Variants in ARHGAP28 observed in about 807,000 individuals in gnomAD.
ARHGAP28 encodes the protein Rho GTPase activating protein 28.
A neutral mutation model predicts 90.7 loss-of-function variants in ARHGAP28; 56 were observed. That is an observed-to-expected ratio of 0.62 (90% CI 0.50 to 0.77). The LOEUF is 0.77. Among genes scored for constraint, ARHGAP28 ranks in the 30% least tolerant of loss-of-function variants. The pLI is 0.00. For missense variants in ARHGAP28, 869 were observed against 900.9 expected, an observed-to-expected ratio of 0.96 and a Z score of 0.45; for synonymous variants, 308 against 323.3, an observed-to-expected ratio of 0.95 and a Z score of 0.51.
At chr18:6,810,243 A>G (rs946490166) in intron 1 of ARHGAP28, among the ~76,000 whole-genome samples, 1 of 152,186 alleles carries the variant, frequency 6.6e-6, no homozygotes, top group Non-Finnish European at 1.5e-5. Context: ...GTATAAAGGA[A>G]TGAAGGATGG....
intron 1 of ARHGAP28, among the ~76,000 whole-genome samples, chr18:6,747,040 C>G (rs1394382595): frequency 6.7e-6 from 1 of 150,210 alleles, no homozygotes; most frequent in East Asian, 1.9e-4. Flanking sequence ...TCTAGATTCT[C>G]TGATATTCAG....
At chr18:6,824,205 A>T (rs1345265279) in intron 1 of ARHGAP28, among the ~76,000 whole-genome samples, 1 of 152,192 alleles carries the variant, frequency 6.6e-6, no homozygotes, top group Admixed American at 6.5e-5. Context: ...AAACATATTC[A>T]TGTTAATTCC....
intron 4 of ARHGAP28, among the ~76,000 whole-genome samples, chr18:6,856,506 G>GTT (rs1034612560): frequency 1.3e-5 from 2 of 152,052 alleles, no homozygotes; most frequent in Admixed American, 1.3e-4. Context: ...TTTGGGTTGT[G>GTT]TTTTTGTTTT....
At position 6,873,879 on chromosome 18, in the gene ARHGAP28, T is replaced by C. The variant is rs2057110229; in HGVS notation, c.1212+104T>C. 3.0e-6 allele frequency: 3 copies of C among 1,001,914 alleles called. No homozygotes were observed. The East Asian group carries it at 7.8e-5, about 26-fold the overall frequency. The allele number at this position is 1,001,914 out of a possible 1,614,324, so 62.1% of individuals were successfully genotyped here. On this transcript the variant is annotated intron_variant, in intron 9 of 17. Coordinates refer to ENST00000383472, the MANE Select transcript of ARHGAP28 (RefSeq NM_001366230.1). ...TTTTCTTTTATATTTAAAGACACTA[T>C]CGCCCTATTAGGACTCAGGCCCCTG... is the stretch of plus-strand genomic sequence containing the variant.
rs761936891 is a variant in ARHGAP28 at position 6,882,230 on chromosome 18, T to C, written c.1384T>C (p.Phe462Leu). 8 of 1,613,928 alleles carry C rather than the reference T, an allele frequency of 5.0e-6. No homozygotes were observed. The South Asian group carries it at 8.8e-5, about 18-fold the overall frequency. ...HREAAVMLKA[F>L]FRELPTSLFP... ...AGAAGCTGCAGTAATGTTGAAAGCGTTTTTCAGAGAACTACCCACCTCTCT... is the reference window on the plus strand; with the variant it reads ...AGAAGCTGCAGTAATGTTGAAAGCGCTTTTCAGAGAACTACCCACCTCTCT... Residue 462 changes from phenylalanine to leucine, a missense_variant, in exon 11 of 18, where the codon TTT becomes CTT. By Grantham distance (22) the Phe-to-Leu change is conservative (BLOSUM62 0). Coordinates refer to ENST00000383472, the MANE Select transcript of ARHGAP28 (RefSeq NM_001366230.1).
intron 1 of ARHGAP28, among the ~76,000 whole-genome samples, chr18:6,737,816 G>A (rs1271988294): frequency 6.6e-6 from 1 of 152,152 alleles, no homozygotes; most frequent in Admixed American, 6.5e-5. Flanking sequence ...AAAGTAGATT[G>A]TTTTTCTATA....
intron 16 of ARHGAP28, 141 bp from the exon 17 acceptor site, chr18:6,908,819 T>C (rs926962395): frequency 1.1e-5 from 7 of 627,170 alleles, no homozygotes; most frequent in Non-Finnish European, 2.0e-5. Context: ...ATTTTTATCA[T>C]AACTTCAGTC....
At chr18:6,841,000 G>C (rs2056803664) in intron 3 of ARHGAP28, among the ~76,000 whole-genome samples, 1 of 151,972 alleles carries the variant, frequency 6.6e-6, no homozygotes, top group South Asian at 2.1e-4. Flanking sequence ...GTTTTTGCAA[G>C]AAATTTGGAA....
intron 3 of ARHGAP28, among the ~76,000 whole-genome samples, chr18:6,837,843 A>G (rs2056766347): frequency 6.6e-6 from 1 of 152,198 alleles, no homozygotes; most frequent in African/African-American, 2.4e-5. Flanking sequence ...CTTTATGTTC[A>G]GATAAATTAA....
Position 6,824,912 on chromosome 18 carries a change from C to A in ARHGAP28, c.273C>A (p.Ser91Arg), listed in dbSNP as rs1240729066. The A allele has an allele frequency of 1.3e-6, 2 of 1,535,892 alleles. No individual in the cohort carries two copies. The highest frequency in any genetic ancestry group is 2.4e-5 in the South Asian group (2 of 84,030). ...FWREIESIKDSSMGGQEEPPP... is the reference protein window; with the variant it reads ...FWREIESIKDRSMGGQEEPPP... ...GGGAAATAGAAAGTATTAAAGACAG[C>A]AGCATGGGAGGGCAAGAAGAGCCAC... Residue 91 changes from serine to arginine, a missense_variant, in exon 2 of 18, where the codon AGC becomes AGA. Transcript: ENST00000383472.
intron 1 of ARHGAP28, among the ~76,000 whole-genome samples, chr18:6,802,150 A>G (rs2056486566): frequency 6.6e-6 from 1 of 151,926 alleles, no homozygotes; most frequent in Admixed American, 6.6e-5. Context: ...TTCTTTATCC[A>G]TTTATCCATC....
intron 3 of ARHGAP28, chr18:6,850,820 C>T (rs1288122016): frequency 2.3e-5 from 35 of 1,521,538 alleles, no homozygotes; most frequent in Middle Eastern, 1.7e-4. Flanking sequence ...GCTTCTGAGA[C>T]GAATTCTGTT....
At chr18:6,805,284 T>C (rs971796065) in intron 1 of ARHGAP28, among the ~76,000 whole-genome samples, 2 of 152,236 alleles carry the variant, frequency 1.3e-5, no homozygotes, top group South Asian at 4.1e-4. Context: ...TCTTACTGAT[T>C]ATTATAAAAT....
intron 3 of ARHGAP28, among the ~76,000 whole-genome samples, chr18:6,837,809 G>A (rs75211106): frequency 0.023 from 3,492 of 152,084 alleles, 148 homozygotes; most frequent in African/African-American, 0.08. Context: ...TGGGGGGTGG[G>A]GATGAGAGAT....
In ARHGAP28 at chr18:6,873,585, A is replaced by G. The variant is rs944225587; in HGVS notation, c.1120+11A>G. Reference sequence around the variant, plus strand: ...AAGTAAAAGGACGAGGTAACTAAGAAGACTGATTGCTTCTGGCTTTAACAC... The same window carrying G: ...AAGTAAAAGGACGAGGTAACTAAGAGGACTGATTGCTTCTGGCTTTAACAC... On this transcript the variant is annotated intron_variant, in intron 8 of 17. Coordinates refer to ENST00000383472, the MANE Select transcript of ARHGAP28 (RefSeq NM_001366230.1). The G allele has an allele frequency of 3.7e-6, 6 of 1,612,398 alleles. No individual in the cohort carries two copies. Among genetic ancestry groups the G allele is most frequent in the Admixed American group, 1.7e-5 (1 of 59,710 alleles).
chr18:6,842,795 A>G (rs1365026881), intron 3 of ARHGAP28, among the ~76,000 whole-genome samples: 2 of 152,124 alleles, frequency 1.3e-5, no homozygotes, highest in East Asian at 3.9e-4. Context: ...TCCACTTAAG[A>G]CACATACATA....
intron 11 of ARHGAP28, among the ~76,000 whole-genome samples, chr18:6,883,128 A>T (rs927725048): frequency 3.3e-5 from 5 of 152,150 alleles, no homozygotes; most frequent in Non-Finnish European, 7.3e-5. Context: ...GACACACCCC[A>T]TCTAGAGACA....
intron 1 of ARHGAP28, among the ~76,000 whole-genome samples, chr18:6,768,580 C>T (rs1036108): frequency 0.43 from 64,623 of 151,818 alleles, 14,944 homozygotes; most frequent in East Asian, 0.85. Context: ...ATGGAAGATC[C>T]TTTTCTGGGG....
intron 3 of ARHGAP28, among the ~76,000 whole-genome samples, chr18:6,840,773 G>C (rs2056801428): frequency 6.6e-6 from 1 of 152,150 alleles, no homozygotes; most frequent in Admixed American, 6.5e-5. Context: ...ATGTATTCTA[G>C]GGAGTTAAAA....
Sources: allele counts gnomAD v4.1 joint callset (sites outside exome capture counted in the v4.1 genomes callset), GRCh38; gene constraint gnomAD v4.1.1; transcripts MANE v1.5; gene names NCBI Gene and HGNC (gene_info 2026-07-23, HGNC 2026-07-21).